Variants in TMCO4 observed in about 807,000 individuals in gnomAD.
TMCO4 encodes transmembrane and coiled-coil domains 4.
Under a neutral mutation model 64.7 loss-of-function variants are expected in TMCO4, and 58 were observed. The observed-to-expected ratio is 0.90, with a 90% CI of 0.73 to 1.12. The LOEUF (loss-of-function observed/expected upper bound fraction) is 1.12, where lower values mean the gene tolerates loss of function less well. Among genes scored for constraint, TMCO4 ranks in the 50% most tolerant of loss-of-function variants. The pLI is 0.00. For synonymous variants in TMCO4, 325 were observed against 346.1 expected (o/e 0.94, Z 0.68); for missense variants, 780 against 825.9 (o/e 0.94, Z 0.68).
At position 19,797,447 on chromosome 1, in the gene TMCO4, G is replaced by A. The variant is rs543448901; in HGVS notation, c.-101+690C>T. On this transcript the variant is annotated intron_variant, in intron 2 of 15. Coordinates refer to ENST00000294543, the MANE Select transcript of TMCO4 (RefSeq NM_181719.7). ...CAGGTGCAAAGGTCCCAAGGAGGGA[G>A]GGGTGGCATGCCTGGGCACAGAGGG... Among the ~76,000 whole-genome samples, 24 of 152,288 alleles carry A rather than the reference G, an allele frequency of 1.6e-4. No individual in the cohort carries two copies. The South Asian group carries it at 4.6e-3, about 29-fold the overall frequency.
chr1:19,795,245 T>C (rs1052050598), intron 2 of TMCO4, among the ~76,000 whole-genome samples: 5 of 151,192 alleles, frequency 3.3e-5, no homozygotes, highest in African/African-American at 4.9e-5. Flanking sequence ...CTGAGGTGGG[T>C]GGATCACCTG....
At chr1:19,725,942 C>T (rs1349559501) in intron 13 of TMCO4, among the ~76,000 whole-genome samples, 2 of 152,332 alleles carry the variant, frequency 1.3e-5, no homozygotes, top group South Asian at 2.1e-4. Context: ...TTTGCCAAGG[C>T]AGTTCGAGCC....
intron 2 of TMCO4, among the ~76,000 whole-genome samples, chr1:19,788,595 T>C (rs1045833313): frequency 6.6e-5 from 10 of 152,188 alleles, no homozygotes; most frequent in Non-Finnish European, 1.3e-4. Flanking sequence ...GCTGCACTGG[T>C]GACAATCCGT....
rs141090683 is a variant in TMCO4, at chr1:19,757,289, G to A, written c.383-1523C>T. Among the ~76,000 whole-genome samples, 489 of 152,256 alleles carry A rather than the reference G, an allele frequency of 3.2e-3. 6 individuals carry two copies. Among genetic ancestry groups the A allele is most frequent in the South Asian group, 0.01 (49 of 4,820 alleles). On this transcript the variant is annotated intron_variant, in intron 6 of 15. Coordinates refer to ENST00000294543, the MANE Select transcript of TMCO4 (RefSeq NM_181719.7). Reference sequence around the variant, plus strand: ...TATTCTAAAATCACAGTGTTAGCAAGGAGAGAATCTGTTTTCTTGCTTTTC... The same window carrying A: ...TATTCTAAAATCACAGTGTTAGCAAAGAGAGAATCTGTTTTCTTGCTTTTC...
intron 13 of TMCO4, among the ~76,000 whole-genome samples, chr1:19,722,561 T>C (rs1428888998): frequency 6.6e-6 from 1 of 152,194 alleles, no homozygotes; most frequent in Admixed American, 6.5e-5. Context: ...CTTAACCTCA[T>C]GGCATGGAGA....
intron 13 of TMCO4, among the ~76,000 whole-genome samples, chr1:19,737,060 C>T (rs2095458037): frequency 1.3e-5 from 2 of 152,182 alleles, no homozygotes; most frequent in African/African-American, 2.4e-5. Context: ...AGGGAAAGTG[C>T]ACCTGCCAAC....
In TMCO4 at chr1:19,780,601, A is replaced by C; in HGVS notation, c.158T>G (p.Leu53Ter). 6.2e-7 allele frequency: 1 copy of C among 1,606,390 alleles called. No homozygotes were observed. Among genetic ancestry groups the C allele is most frequent in the Non-Finnish European group, 8.5e-7 (1 of 1,177,348 alleles). ...TCACCTGTGTTCGGGTTCAGGAAAT[A>C]ACTGGGACAGGGAGATGCCACAGAG... ...AALCGISLSQ[L>*]FPEPEHSSFC... Residue 53 changes from leucine to a stop codon, truncating the protein, a stop_gained, in exon 4 of 16, where the codon TTA becomes TGA. Transcript: ENST00000294543. LOFTEE classifies it high-confidence loss of function.
intron 2 of TMCO4, among the ~76,000 whole-genome samples, chr1:19,789,227 C>A (rs1427355695): frequency 6.6e-6 from 1 of 151,932 alleles, no homozygotes; most frequent in African/African-American, 2.4e-5. Flanking sequence ...CATGGCGAAA[C>A]CCCATCTCTA....
chr1:19,740,843 C>T lies in TMCO4; in HGVS notation c.976G>A (p.Glu326Lys). 1.9e-6 allele frequency: 3 copies of T among 1,614,158 alleles called. No individual in the cohort carries two copies. The highest frequency in any genetic ancestry group is 2.5e-6 in the Non-Finnish European group (3 of 1,180,008). Residue 326 changes from glutamate to lysine, a missense_variant, in exon 11 of 16, where the codon GAG becomes AAG. Transcript: ENST00000294543. ...KYLMELGNAL[E>K]TILSGLANMV... ...TTGGCGAGACCACTGAGGATGGTCT[C>T]CAGGGCATTGCCGAGCTCCATCAGG...
intron 3 of TMCO4, among the ~76,000 whole-genome samples, chr1:19,783,527 C>A (rs2043587872): frequency 6.6e-6 from 1 of 152,182 alleles, no homozygotes; most frequent in Admixed American, 6.5e-5. Context: ...TTCAAAACAA[C>A]CCTGAGGTAG....
Position 19,683,064 on chromosome 1 carries a change from C to G in TMCO4, c.1881G>C (p.Gln627His). Residue 627 changes from glutamine (Q) to histidine (H), a missense_variant, in exon 16 of 16, where the codon CAG becomes CAC. Gln to His is a conservative substitution (Grantham distance 24). Coordinates refer to ENST00000294543, the MANE Select transcript of TMCO4 (RefSeq NM_181719.7). ...LGCPDCACKTQGPSTGLD is the reference protein window; with the variant it reads ...LGCPDCACKTHGPSTGLD The stretch of plus-strand genomic sequence containing the variant: ...GTCAGTCCAGCCCCGTGCTGGGGCC[C>G]TGGGTCTTGCAGGCACAATCGGGGC... 2.5e-6 allele frequency: 4 copies of G among 1,596,646 alleles called. No individual in the cohort carries two copies. Among genetic ancestry groups the G allele is most frequent in the Non-Finnish European group, 3.4e-6 (4 of 1,172,082 alleles).
intron 13 of TMCO4, among the ~76,000 whole-genome samples, chr1:19,731,346 C>T (rs779446558): frequency 5.3e-5 from 8 of 152,184 alleles, no homozygotes; most frequent in African/African-American, 1.7e-4. Context: ...CAATGCTCAG[C>T]GAGTACTTCT....
chr1:19,743,021 G>C lies in TMCO4; in HGVS notation c.878-2080C>G, dbSNP rs2095486906. On this transcript the variant is annotated intron_variant, in intron 10 of 15. Coordinates refer to ENST00000294543, the MANE Select transcript of TMCO4 (RefSeq NM_181719.7). This position sits in a 1 kb window ranked among gnomAD's most constrained non-coding sequence, Gnocchi z 4.1. ...GCCAAGATCGCGCCACTGCACTCCA[G>C]CCTGGTGATACAGCAAGACTCCGTC... 6.6e-6 allele frequency among the ~76,000 whole-genome samples: 1 copy of C among 152,090 alleles called. No individual in the cohort carries two copies. The highest frequency in any genetic ancestry group is 2.1e-4 in the South Asian group (1 of 4,816).
chr1:19,724,880 G>A (rs967959319), intron 13 of TMCO4, among the ~76,000 whole-genome samples: 3 of 152,164 alleles, frequency 2.0e-5, no homozygotes, highest in Non-Finnish European at 4.4e-5. Flanking sequence ...TCCTGCCTCA[G>A]CCTCCTGAGT....
chr1:19,791,383 G>A (rs577908302), intron 2 of TMCO4, among the ~76,000 whole-genome samples: 51 of 152,124 alleles, frequency 3.4e-4, no homozygotes, highest in African/African-American at 1.1e-3. Context: ...GACAGACAGT[G>A]CAATTCTCAG....
At position 19,722,181 on chromosome 1, in the gene TMCO4, C is replaced by G. The variant is rs186539170; in HGVS notation, c.1264+15191G>C. ...AGTGTGGAGGTTTGTTTGAACCAGA[C>G]GATTTCAAACGTCTTTTGGAACCCT... is the stretch of plus-strand genomic sequence containing the variant. On this transcript the variant is annotated intron_variant, in intron 13 of 15. Transcript: ENST00000294543. 2.0e-5 allele frequency among the ~76,000 whole-genome samples: 3 copies of G among 152,268 alleles called. No homozygotes were observed. In the South Asian group the frequency reaches 6.2e-4, roughly 32 times the overall value.
intron 3 of TMCO4, among the ~76,000 whole-genome samples, chr1:19,782,411 C>A (rs1227374796): frequency 6.6e-6 from 1 of 152,086 alleles, no homozygotes; most frequent in African/African-American, 2.4e-5. Flanking sequence ...AGAATGGGTA[C>A]AAAGGAGGTT....
At chr1:19,784,535 CAAAA>C (rs1469555300) in intron 3 of TMCO4, among the ~76,000 whole-genome samples, 1 of 152,012 alleles carries the variant, frequency 6.6e-6, no homozygotes, top group Non-Finnish European at 1.5e-5. Context: ...CTCCATCTAA[CAAAA>C]TAATAATAAT....
intron 6 of TMCO4, among the ~76,000 whole-genome samples, chr1:19,756,727 C>G (rs543700326): frequency 6.6e-6 from 1 of 151,990 alleles, no homozygotes; most frequent in Admixed American, 6.6e-5. Context: ...AGTGGTGGTG[C>G]GTGCCTATAA....
Sources: gnomAD v4.1 joint callset for allele counts (sites outside exome capture counted in the v4.1 genomes callset) on GRCh38, gnomAD v4.1.1 for gene constraint, Gnocchi (gnomAD v3.1) non-coding constraint, MANE v1.5 for transcripts, NCBI Gene and HGNC (gene_info 2026-07-23, HGNC 2026-07-21) for gene names.